Variants in ZNF608 observed in about 807,000 individuals in gnomAD.
The protein encoded by ZNF608 is zinc finger protein 608.
In ZNF608, 12 loss-of-function variants were observed where a neutral mutation model predicts 109.0. That is an observed-to-expected ratio of 0.11 (90% CI 0.07 to 0.18). ZNF608 has a LOEUF of 0.18. Among genes scored for constraint, ZNF608 ranks in the 10% least tolerant of loss-of-function variants. The pLI is 1.00. For synonymous variants in ZNF608, 732 were observed against 717.4 expected (o/e 1.02, Z -0.33); for missense variants, 1,707 against 1,879.3 (o/e 0.91, Z 1.70).
At position 124,637,479 on chromosome 5, in the gene ZNF608, T is replaced by C. The variant is rs1750029469; in HGVS notation, c.*421A>G. 2 of 152,616 alleles carry C rather than the reference T, an allele frequency of 1.3e-5. No individual in the cohort carries two copies. The highest frequency in any genetic ancestry group is 4.1e-4 in the South Asian group (2 of 4,832). The allele number at this position is 152,616 out of a possible 1,614,324, so 9.5% of individuals were successfully genotyped here. A position where few individuals can be genotyped will look rare whatever the true frequency, so the allele number is the denominator to read the frequency against. ...GATATGCAAGGTTCAGGCACACTGATACATAACATTATTTATTTACAATTT... is the reference window on the plus strand; with the variant it reads ...GATATGCAAGGTTCAGGCACACTGACACATAACATTATTTATTTACAATTT... On this transcript the variant is annotated 3_prime_UTR_variant, in exon 10 of 10. Transcript: ENST00000513986.
Position 124,647,427 on chromosome 5 carries a change from G to A in ZNF608, c.2957C>T (p.Ser986Leu), listed in dbSNP as rs1415270611. ...AGAATGGGACTCTTTCAGTTGAGAT[G>A]ATTGTGCTGTAGTTGAAGAATGCCC... ...VKGHSSTTAQ[S>L]SQLKESHSPY... Residue 986 changes from serine (S) to leucine (L), a missense_variant, in exon 5 of 10, where the codon TCA (serine) becomes TTA (leucine). This residue lies in a region of ZNF608 where 1,073 missense variants were observed against 1,133.5 expected (regional missense o/e 0.95). Transcript: ENST00000513986. 1 of 1,614,222 alleles carries A rather than the reference G, an allele frequency of 6.2e-7. No individual in the cohort carries two copies. The highest frequency in any genetic ancestry group is 8.5e-7 in the Non-Finnish European group (1 of 1,180,036).
intron 3 of ZNF608, among the ~76,000 whole-genome samples, chr5:124,651,653 T>C (rs969727839): frequency 6.6e-6 from 1 of 152,248 alleles, no homozygotes; most frequent in Non-Finnish European, 1.5e-5. Flanking sequence ...CACAGACACT[T>C]AACATTTGTC....
At chr5:124,733,367 G>A (rs1313011686) in intron 2 of ZNF608, among the ~76,000 whole-genome samples, 1 of 152,030 alleles carries the variant, frequency 6.6e-6, no homozygotes, top group East Asian at 1.9e-4. Flanking sequence ...AGCATGTAAT[G>A]CTTCCAAGAT....
intron 3 of ZNF608, among the ~76,000 whole-genome samples, chr5:124,679,138 G>A (rs935801518): frequency 2.0e-5 from 3 of 152,172 alleles, no homozygotes. Context: ...TGTGCTCCTC[G>A]AAGATAACAC....
At chr5:124,738,869 A>G (rs1749257833) in intron 2 of ZNF608, among the ~76,000 whole-genome samples, 1 of 152,236 alleles carries the variant, frequency 6.6e-6, no homozygotes, top group South Asian at 2.1e-4. Flanking sequence ...GTCATTACCC[A>G]GGCAGCCTAG....
At chr5:124,663,803 C>T (rs971553694) in intron 3 of ZNF608, among the ~76,000 whole-genome samples, 4 of 152,122 alleles carry the variant, frequency 2.6e-5, no homozygotes, top group Middle Eastern at 3.2e-3. Flanking sequence ...ATTTGATAAG[C>T]TTTCCAAAAA....
At chr5:124,689,098 G>A (rs574220147) in intron 3 of ZNF608, among the ~76,000 whole-genome samples, 2 of 152,318 alleles carry the variant, frequency 1.3e-5, no homozygotes, top group Admixed American at 6.5e-5. Context: ...CGTATAAGAT[G>A]TATATGAGAA....
chr5:124,649,666 G>C lies in ZNF608; in HGVS notation c.1194C>G (p.Asn398Lys). 6.2e-7 allele frequency: 1 copy of C among 1,609,584 alleles called. No individual in the cohort carries two copies. Among genetic ancestry groups the C allele is most frequent in the Non-Finnish European group, 8.5e-7 (1 of 1,176,878 alleles). ...CCAGTAGGGTTCCCACGTACGTTTT[G>C]TTCCTCCACGTGACATTGACCACTA... The part of the protein sequence containing the change: ...GVLVVNVTWR[N>K]KTYVGTLLDC... The change falls in exon 4 of 10, where the codon AAC becomes AAG. Residue 398 changes from asparagine (N) to lysine (K), a missense_variant. By Grantham distance (94) the Asn-to-Lys change is moderately conservative. Coordinates refer to ENST00000513986, the MANE Select transcript of ZNF608 (RefSeq NM_020747.3).
intron 7 of ZNF608, among the ~76,000 whole-genome samples, chr5:124,641,651 C>T (rs1490808008): frequency 2.0e-5 from 3 of 152,158 alleles, no homozygotes; most frequent in Non-Finnish European, 4.4e-5. Context: ...CCTGAAATGA[C>T]GGAAATAAGA....
At chr5:124,680,984 A>T (rs958456158) in intron 3 of ZNF608, among the ~76,000 whole-genome samples, 22 of 152,230 alleles carry the variant, frequency 1.4e-4, no homozygotes, top group African/African-American at 4.6e-4. Flanking sequence ...AGAAGGAGAA[A>T]GATCAGAAAA....
chr5:124,748,323 C>T (rs1479186443), upstream of ZNF608, among the ~76,000 whole-genome samples: 1 of 152,198 alleles, frequency 6.6e-6, no homozygotes, highest in Non-Finnish European at 1.5e-5. Flanking sequence ...CTCTAAGTTA[C>T]CCCGAGTGCC....
chr5:124,682,694 G>A (rs549694554), intron 3 of ZNF608, among the ~76,000 whole-genome samples: 140 of 152,346 alleles, frequency 9.2e-4, no homozygotes, highest in African/African-American at 3.2e-3. Flanking sequence ...CAGTGTGGAT[G>A]CACAGAACAC....
At chr5:124,638,835 A>C (rs1750102526) in intron 9 of ZNF608, 2 of 1,138,656 alleles carry the variant, frequency 1.8e-6, no homozygotes, top group Admixed American at 4.1e-5. Flanking sequence ...TTTAAACATA[A>C]TAAAACAAAG....
Position 124,646,957 on chromosome 5 carries a change from T to C in ZNF608, c.3427A>G (p.Thr1143Ala). The change falls in exon 5 of 10, where the codon ACT becomes GCT. Residue 1143 changes from threonine to alanine, a missense_variant. Physicochemically the swap from Thr to Ala is moderately conservative, Grantham distance 58. Coordinates refer to ENST00000513986, the MANE Select transcript of ZNF608 (RefSeq NM_020747.3). ...GCCGATGGCATATTTTTCTGTTTAG[T>C]TTCCTCCTTGCCCAGCTCTTTCAAG... Reference protein sequence around the residue: ...LPLKELGKEETKQKNMPSATI... With the variant: ...LPLKELGKEEAKQKNMPSATI... 1.9e-6 allele frequency: 3 copies of C among 1,614,116 alleles called. No homozygotes were observed. The highest frequency in any genetic ancestry group is 2.5e-6 in the Non-Finnish European group (3 of 1,180,006).
At chr5:124,716,886 C>G (rs1343075540) in intron 2 of ZNF608, among the ~76,000 whole-genome samples, 1 of 151,534 alleles carries the variant, frequency 6.6e-6, no homozygotes. Flanking sequence ...AGTTGGAGAC[C>G]AGCTTGACCA....
In ZNF608 at chr5:124,694,327, T is replaced by C. The variant is rs188063549; in HGVS notation, c.1162+6687A>G. On this transcript the variant is annotated intron_variant, in intron 3 of 9. Coordinates refer to ENST00000513986, the MANE Select transcript of ZNF608 (RefSeq NM_020747.3). ...CTTAAAATGAAAATACCCTGATGAGTTTTGTTGTTTATTATGTATCCTTAA... is the reference window on the plus strand; with the variant it reads ...CTTAAAATGAAAATACCCTGATGAGCTTTGTTGTTTATTATGTATCCTTAA... 1.2e-3 allele frequency among the ~76,000 whole-genome samples: 183 copies of C among 151,152 alleles called. 1 individual carries two copies. Among genetic ancestry groups the C allele is most frequent in the African/African-American group, 4.2e-3 (174 of 41,156 alleles).
chr5:124,663,868 C>T (rs953281893), intron 3 of ZNF608, among the ~76,000 whole-genome samples: 1 of 152,024 alleles, frequency 6.6e-6, no homozygotes, highest in Non-Finnish European at 1.5e-5. Context: ...CTGGTGCGGC[C>T]GATTACATTT....
At chr5:124,651,907 C>G (rs1044250873) in intron 3 of ZNF608, among the ~76,000 whole-genome samples, 2 of 152,236 alleles carry the variant, frequency 1.3e-5, no homozygotes, top group East Asian at 1.9e-4. Flanking sequence ...TCGGCTCCCT[C>G]GGTGCACGCG....
intron 3 of ZNF608, among the ~76,000 whole-genome samples, chr5:124,689,181 T>A (rs1752511071): frequency 6.6e-6 from 1 of 152,186 alleles, no homozygotes; most frequent in African/African-American, 2.4e-5. Flanking sequence ...GAGGATCACT[T>A]GAGCCCAAGA....
Sources: gnomAD v4.1 joint callset for allele counts (sites outside exome capture counted in the v4.1 genomes callset) on GRCh38, gnomAD v4.1.1 for gene constraint, gnomAD v4.1.1 regional missense constraint, MANE v1.5 for transcripts, NCBI Gene and HGNC (gene_info 2026-07-23, HGNC 2026-07-21) for gene names.